The following STARD13 variants were observed in gnomAD, a reference collection of about 807,000 sequenced individuals.
STARD13 encodes stAR-related lipid transfer protein 13.
Under a neutral mutation model 106.4 loss-of-function variants are expected in STARD13, and 62 were observed. That is an observed-to-expected ratio of 0.58 (90% CI 0.48 to 0.72). STARD13 has a LOEUF of 0.72. Among genes scored for constraint, STARD13 ranks in the 30% least tolerant of loss-of-function variants. The pLI is 0.00. For synonymous variants in STARD13, 565 were observed against 553.0 expected (o/e 1.02, Z -0.31); for missense variants, 1,387 against 1,424.0 (o/e 0.97, Z 0.42).
the STARD13 span, among the ~76,000 whole-genome samples, chr13:33,529,450 C>A: frequency 1.3e-5 from 2 of 152,152 alleles, no homozygotes; most frequent in East Asian, 3.9e-4. Flanking sequence ...CGAAGTATAT[C>A]TTTGGAGCCC....
the STARD13 span, among the ~76,000 whole-genome samples, chr13:33,608,660 T>C: frequency 0.016 from 2,403 of 152,188 alleles, 75 homozygotes; most frequent in African/African-American, 0.054. Flanking sequence ...ATTACATACA[T>C]GAAAAAGTTA....
the STARD13 span, among the ~76,000 whole-genome samples, chr13:33,664,211 C>A: frequency 2.0e-5 from 3 of 152,312 alleles, no homozygotes; most frequent in Middle Eastern, 3.4e-3. Flanking sequence ...ATTCAGCGAA[C>A]CTGCTCGGGG....
At chr13:33,490,803 T>G in the STARD13 span, among the ~76,000 whole-genome samples, 2 of 152,362 alleles carry the variant, frequency 1.3e-5, no homozygotes, top group Admixed American at 1.3e-4. Context: ...GAAGGTCCAC[T>G]GAGCTGATTA....
the STARD13 span, among the ~76,000 whole-genome samples, chr13:33,406,281 GA>G: frequency 1.3e-5 from 2 of 151,820 alleles, no homozygotes; most frequent in African/African-American, 2.4e-5. Flanking sequence ...ATATTTTGCA[GA>G]AAAAAAACCT....
intron 3 of STARD13, among the ~76,000 whole-genome samples, chr13:33,161,243 A>G (rs1296946155): frequency 6.6e-6 from 1 of 152,186 alleles, no homozygotes. Flanking sequence ...GTGGTTTGCT[A>G]GAGTTTGGGA....
chr13:33,470,450 T>C, the STARD13 span, among the ~76,000 whole-genome samples: 2 of 152,206 alleles, frequency 1.3e-5, no homozygotes, highest in Non-Finnish European at 2.9e-5. Context: ...GTAATGGGCT[T>C]GCTGGGTCAG....
At chr13:33,358,285 A>C in the STARD13 span, among the ~76,000 whole-genome samples, 2 of 152,180 alleles carry the variant, frequency 1.3e-5, no homozygotes, top group African/African-American at 2.4e-5. Context: ...GCTCCTGTGC[A>C]GCCCGAGCCT....
chr13:33,501,292 G>A, the STARD13 span, among the ~76,000 whole-genome samples: 1 of 151,892 alleles, frequency 6.6e-6, no homozygotes, highest in Non-Finnish European at 1.5e-5. Flanking sequence ...TGGCCAGGCT[G>A]GTCTTGAACT....
intron 1 of STARD13, among the ~76,000 whole-genome samples, chr13:33,209,726 T>C (rs1887615904): frequency 6.6e-6 from 1 of 151,940 alleles, no homozygotes; most frequent in South Asian, 2.1e-4. Context: ...CTCCCAACAC[T>C]TTGGGAGACC....
At chr13:33,387,556 T>G in the STARD13 span, among the ~76,000 whole-genome samples, 1 of 152,136 alleles carries the variant, frequency 6.6e-6, no homozygotes, top group Non-Finnish European at 1.5e-5. Flanking sequence ...TGGACCCCTA[T>G]TCACTCCAAT....
intron 1 of STARD13, chr13:33,186,164 C>T (rs1885752309): frequency 2.1e-6 from 2 of 959,348 alleles, no homozygotes; most frequent in Non-Finnish European, 3.0e-6. Flanking sequence ...CACTTCCTTT[C>T]CTCATTGTTT....
At chr13:33,359,610 A>G in the STARD13 span, 3 of 154,266 alleles carry the variant, frequency 1.9e-5, no homozygotes, top group Non-Finnish European at 4.3e-5. Flanking sequence ...AGTTGCAGTA[A>G]GCTGAGATCA....
At chr13:33,511,466 T>G in the STARD13 span, 1 of 152,044 alleles carries the variant, frequency 6.6e-6, no homozygotes, top group Non-Finnish European at 1.5e-5. Context: ...GTAGCTAAGG[T>G]CACAAAGATC....
the STARD13 span, among the ~76,000 whole-genome samples, chr13:33,673,230 T>C: frequency 4.6e-5 from 7 of 152,210 alleles, no homozygotes; most frequent in Non-Finnish European, 8.8e-5. Flanking sequence ...ATTTTCTTAC[T>C]CCATCCTTAG....
the STARD13 span, among the ~76,000 whole-genome samples, chr13:33,530,530 A>C: frequency 6.6e-6 from 1 of 152,150 alleles, no homozygotes; most frequent in South Asian, 2.1e-4. Context: ...CTGTTGAAAA[A>C]TCCAAGAGTT....
chr13:33,178,857 C>T (rs1884964255), intron 1 of STARD13, among the ~76,000 whole-genome samples: 1 of 152,164 alleles, frequency 6.6e-6, no homozygotes, highest in Non-Finnish European at 1.5e-5. Context: ...AGAAAATCTC[C>T]ACATCTTGTT....
intron 1 of STARD13, among the ~76,000 whole-genome samples, chr13:33,180,803 G>A (rs1484775941): frequency 6.6e-6 from 1 of 152,116 alleles, no homozygotes; most frequent in African/African-American, 2.4e-5. Flanking sequence ...GCATATAATG[G>A]TTACAATTAA....
the STARD13 span, among the ~76,000 whole-genome samples, chr13:33,637,016 C>G: frequency 2.6e-5 from 4 of 152,324 alleles, 1 homozygote; most frequent in Admixed American, 2.6e-4. Flanking sequence ...GAGCAACACA[C>G]TACTCCTGAA....
At chr13:33,567,785 T>C in the STARD13 span, among the ~76,000 whole-genome samples, 1 of 148,120 alleles carries the variant, frequency 6.8e-6, no homozygotes, top group Admixed American at 6.9e-5. Context: ...GAAACACTTG[T>C]AATTTTAAGC....
Sources: allele counts gnomAD v4.1 joint callset (sites outside exome capture counted in the v4.1 genomes callset), GRCh38; gene constraint gnomAD v4.1.1; transcripts MANE v1.5; gene names NCBI Gene and HGNC (gene_info 2026-07-23, HGNC 2026-07-21).